The following LMBRD1 variants were observed in gnomAD, a reference collection of about 807,000 sequenced individuals.
The protein encoded by LMBRD1 is lysosomal cobalamin transport escort protein LMBD1.
A neutral mutation model predicts 74.8 loss-of-function variants in LMBRD1; 64 were observed. That is an observed-to-expected ratio of 0.86 (90% CI 0.70 to 1.05). The LOEUF is 1.05. LMBRD1 is among the 50% of genes least tolerant of loss of function. The pLI is 0.00. For missense variants in LMBRD1, 652 were observed against 645.9 expected (o/e 1.01, Z -0.10); for synonymous variants, 204 against 216.3 (o/e 0.94, Z 0.50).
At chr6:69,772,564 T>A (rs1043628230) in intron 3 of LMBRD1, among the ~76,000 whole-genome samples, 1 of 152,072 alleles carries the variant, frequency 6.6e-6, no homozygotes, top group Non-Finnish European at 1.5e-5. Flanking sequence ...TCTCTAGAGA[T>A]TATCTAGATA....
chr6:69,676,662 C>G, intron 14 of LMBRD1, 121 bp from the exon 15 acceptor site: 1 of 806,632 alleles, frequency 1.2e-6, no homozygotes, highest in African/African-American at 1.7e-5. Flanking sequence ...TAGTAAGTGT[C>G]AGAGATGGTA....
chr6:69,744,136 G>T (rs1443734535), intron 5 of LMBRD1, among the ~76,000 whole-genome samples: 6 of 152,128 alleles, frequency 3.9e-5, no homozygotes, highest in Non-Finnish European at 8.8e-5. Context: ...AAATGAAATG[G>T]TGATGATATT....
chr6:69,728,948 T>G (rs1418013509), intron 7 of LMBRD1, among the ~76,000 whole-genome samples: 3 of 152,100 alleles, frequency 2.0e-5, no homozygotes, highest in African/African-American at 7.2e-5. Flanking sequence ...CCAACCTCTA[T>G]ATGTATATGA....
At chr6:69,740,699 C>A (rs1412442030) in intron 6 of LMBRD1, among the ~76,000 whole-genome samples, 1 of 152,052 alleles carries the variant, frequency 6.6e-6, no homozygotes, top group East Asian at 1.9e-4. Context: ...GAAAGAAGTG[C>A]TGATTAAAGA....
At chr6:69,717,990 A>G (rs1766528666) in intron 8 of LMBRD1, among the ~76,000 whole-genome samples, 1 of 152,046 alleles carries the variant, frequency 6.6e-6, no homozygotes. Context: ...CTTATATTTT[A>G]TTTGTATTAA....
intron 10 of LMBRD1, 150 bp from the exon 11 acceptor site, chr6:69,701,695 T>C: frequency 7.4e-6 from 5 of 679,546 alleles, no homozygotes; most frequent in East Asian, 2.7e-5. Flanking sequence ...TCACAGCTAT[T>C]GTTCAATTGA....
intron 3 of LMBRD1, among the ~76,000 whole-genome samples, chr6:69,777,313 C>T (rs1024342790): frequency 6.6e-6 from 1 of 151,748 alleles, no homozygotes; most frequent in Non-Finnish European, 1.5e-5. Context: ...ATTATCCGGG[C>T]GTGATGACAT....
At chr6:69,780,415 T>TG (rs1765805121) in intron 3 of LMBRD1, 79 bp downstream of exon 3, 1 of 1,040,766 alleles carries the variant, frequency 9.6e-7, no homozygotes, top group Admixed American at 1.7e-5. Flanking sequence ...AGGAAGAACC[T>TG]GGGGTTCTCC....
intron 9 of LMBRD1, 94 bp from the exon 10 acceptor site, chr6:69,702,047 A>T (rs1196414498): frequency 2.6e-6 from 2 of 757,232 alleles, no homozygotes; most frequent in African/African-American, 3.5e-5. Context: ...CTAGAATATG[A>T]CAATGATCTA....
chr6:69,687,507 G>A (rs934394966), intron 14 of LMBRD1, among the ~76,000 whole-genome samples: 1 of 152,074 alleles, frequency 6.6e-6, no homozygotes, highest in African/African-American at 2.4e-5. Flanking sequence ...AAATGAAAAA[G>A]CACAAGAATA....
intron 7 of LMBRD1, among the ~76,000 whole-genome samples, chr6:69,730,952 T>C (rs776993729): frequency 2.6e-5 from 4 of 152,108 alleles, no homozygotes; most frequent in Non-Finnish European, 5.9e-5. Flanking sequence ...ATAGGTGTGT[T>C]GGCAGCTTCG....
rs182757924 is a variant in LMBRD1 at position 69,775,111 on chromosome 6, C to T, written c.307+5383G>A. ...GTACAAATCCTTAAAGTTTCTGGGGCGGGCATAACCTTCCCAGATGAGGGA... is the reference window on the plus strand; with the variant it reads ...GTACAAATCCTTAAAGTTTCTGGGGTGGGCATAACCTTCCCAGATGAGGGA... On this transcript the variant is annotated intron_variant, in intron 3 of 15. Transcript: ENST00000649934. Among the ~76,000 whole-genome samples, 381 of 151,880 alleles carry T rather than the reference C, an allele frequency of 2.5e-3. 2 individuals carry two copies. Among genetic ancestry groups the T allele is most frequent in the African/African-American group, 8.6e-3 (358 of 41,404 alleles).
chr6:69,683,143 T>A (rs1765697123), intron 14 of LMBRD1, among the ~76,000 whole-genome samples: 1 of 151,954 alleles, frequency 6.6e-6, no homozygotes, highest in South Asian at 2.1e-4. Flanking sequence ...ACTTTCTAGA[T>A]CCCCAGCAAC....
intron 5 of LMBRD1, chr6:69,746,786 G>T: frequency 5.9e-6 from 1 of 170,198 alleles, no homozygotes; most frequent in South Asian, 1.6e-4. Context: ...TTTCTGATAC[G>T]ACAATGAATT....
intron 9 of LMBRD1, among the ~76,000 whole-genome samples, chr6:69,708,266 G>A (rs1411960473): frequency 3.3e-5 from 5 of 152,024 alleles, no homozygotes; most frequent in Admixed American, 6.6e-5. Flanking sequence ...TTCTAATTAG[G>A]TGCTTATTTT....
rs372951855 is a variant in LMBRD1, at chr6:69,722,153, G to A, written c.637-3072C>T. Among the ~76,000 whole-genome samples, 23 of 152,274 alleles carry A rather than the reference G, an allele frequency of 1.5e-4. No homozygotes were observed. In the East Asian group the frequency reaches 1.9e-3, roughly 13 times the overall value. On this transcript the variant is annotated intron_variant, in intron 7 of 15. Coordinates refer to ENST00000649934, the MANE Select transcript of LMBRD1 (RefSeq NM_018368.4). ...AACAGCATGACATACTTAAAGTGCT[G>A]AAGATAGAAAAATTTTACCCTAGAA...
chr6:69,681,661 A>G (rs1292700615), intron 14 of LMBRD1, among the ~76,000 whole-genome samples: 2 of 151,944 alleles, frequency 1.3e-5, no homozygotes, highest in Non-Finnish European at 2.9e-5. Flanking sequence ...CTCATGTAAC[A>G]TGGAGAATAA....
At chr6:69,734,618 A>T (rs1436483076) in intron 7 of LMBRD1, among the ~76,000 whole-genome samples, 1 of 151,788 alleles carries the variant, frequency 6.6e-6, no homozygotes, top group Non-Finnish European at 1.5e-5. Flanking sequence ...CTGGTCTCAA[A>T]CTCCTGACCT....
chr6:69,756,866 C>T (rs190754878), intron 3 of LMBRD1, among the ~76,000 whole-genome samples: 25 of 152,290 alleles, frequency 1.6e-4, no homozygotes, highest in African/African-American at 6.0e-4. Flanking sequence ...TCCAGCTGTA[C>T]AAAACCACCT....
Sources: allele counts gnomAD v4.1 joint callset (sites outside exome capture counted in the v4.1 genomes callset), GRCh38; gene constraint gnomAD v4.1.1; transcripts MANE v1.5; gene names NCBI Gene and HGNC (gene_info 2026-07-23, HGNC 2026-07-21).